The following KIF1B variants were observed in gnomAD, a reference collection of about 807,000 sequenced individuals.
The protein encoded by KIF1B is kinesin family member 1B.
KIF1B carries 76 observed loss-of-function variants against 241.9 expected under a neutral mutation model. That is an observed-to-expected ratio of 0.31 (90% CI 0.26 to 0.38). KIF1B has a LOEUF of 0.38. KIF1B is among the 10% of genes least tolerant of loss of function. KIF1B has a pLI of 1.00. For synonymous variants in KIF1B, 750 were observed against 796.7 expected, an observed-to-expected ratio of 0.94 and a Z score of 0.99; for missense variants, 1,622 against 2,271.4, an observed-to-expected ratio of 0.71 and a Z score of 5.81.
intron 5 of KIF1B, among the ~76,000 whole-genome samples, chr1:10,266,554 C>T (rs1311410290): frequency 6.6e-6 from 1 of 152,186 alleles, no homozygotes; most frequent in Non-Finnish European, 1.5e-5. Flanking sequence ...GAGGATACAT[C>T]GTCCATAGTT....
At chr1:10,220,156 C>A (rs1646822314) in intron 1 of KIF1B, among the ~76,000 whole-genome samples, 1 of 148,076 alleles carries the variant, frequency 6.8e-6, no homozygotes, top group Non-Finnish European at 1.5e-5. Context: ...GAGCCGAGAT[C>A]GCGAGCCATT....
intron 17 of KIF1B, 75 bp from the exon 18 acceptor site, chr1:10,295,011 C>T: frequency 1.0e-6 from 1 of 958,038 alleles, no homozygotes; most frequent in African/African-American, 1.6e-5. Context: ...AGCCTGGCCT[C>T]TTGTAGGCCC....
At chr1:10,296,200 AG>A (rs1650254774) in intron 19 of KIF1B, among the ~76,000 whole-genome samples, 1 of 152,232 alleles carries the variant, frequency 6.6e-6, no homozygotes, top group Non-Finnish European at 1.5e-5. Context: ...CTGTTATATA[AG>A]TCACTCATTC....
intron 38 of KIF1B, chr1:10,355,387 A>C (rs1174404634): frequency 6.6e-6 from 1 of 152,454 alleles, no homozygotes; most frequent in Non-Finnish European, 1.5e-5. Context: ...CTTGATAAGG[A>C]TATTCCTAGG....
chr1:10,304,523 C>T (rs769450634), intron 22 of KIF1B: 1 of 1,613,694 alleles, frequency 6.2e-7, no homozygotes, highest in South Asian at 1.1e-5. Flanking sequence ...GAGGGCAATG[C>T]AGCCACTTCC....
At chr1:10,278,377 T>C (rs1222830513) in intron 13 of KIF1B, among the ~76,000 whole-genome samples, 2 of 152,208 alleles carry the variant, frequency 1.3e-5, no homozygotes, top group Admixed American at 6.5e-5. Context: ...ATCGCAAATA[T>C]GTCACTAGTA....
At chr1:10,353,212 A>G (rs1456959505) in intron 38 of KIF1B, among the ~76,000 whole-genome samples, 1 of 152,208 alleles carries the variant, frequency 6.6e-6, no homozygotes, top group Non-Finnish European at 1.5e-5. Context: ...TGCTGACTAT[A>G]GGCTCCATTA....
At chr1:10,363,590 G>C (rs945642570) in intron 41 of KIF1B, among the ~76,000 whole-genome samples, 5 of 152,166 alleles carry the variant, frequency 3.3e-5, no homozygotes, top group Non-Finnish European at 5.9e-5. Flanking sequence ...CTACTCAGGA[G>C]GCTGAGGCAT....
intron 2 of KIF1B, among the ~76,000 whole-genome samples, chr1:10,242,528 T>C (rs1647151536): frequency 6.6e-6 from 1 of 152,016 alleles, no homozygotes; most frequent in South Asian, 2.1e-4. Flanking sequence ...TAATATAATC[T>C]TTTTTTTAGA....
chr1:10,277,252 C>T (rs1156787312), intron 12 of KIF1B, among the ~76,000 whole-genome samples: 1 of 151,368 alleles, frequency 6.6e-6, no homozygotes, highest in African/African-American at 2.4e-5. Flanking sequence ...TTGAGGCCAG[C>T]CCAGGCAACG....
At chr1:10,314,353 A>G (rs1651210320) in intron 22 of KIF1B, among the ~76,000 whole-genome samples, 1 of 151,434 alleles carries the variant, frequency 6.6e-6, no homozygotes, top group African/African-American at 2.5e-5. Context: ...GGGCCAATTC[A>G]ATAGATGATG....
chr1:10,284,872 C>A (rs1327804232), intron 15 of KIF1B, among the ~76,000 whole-genome samples: 1 of 150,776 alleles, frequency 6.6e-6, no homozygotes, highest in Non-Finnish European at 1.5e-5. Flanking sequence ...AAAAAAAAAA[C>A]AAAAACAAAA....
intron 22 of KIF1B, among the ~76,000 whole-genome samples, chr1:10,314,719 C>T (rs537455549): frequency 6.6e-6 from 1 of 151,720 alleles, no homozygotes; most frequent in South Asian, 2.1e-4. Context: ...CACACCTGGC[C>T]CAGTTAAACT....
chr1:10,290,411 G>A (rs1649935874), intron 15 of KIF1B, among the ~76,000 whole-genome samples: 1 of 152,160 alleles, frequency 6.6e-6, no homozygotes, highest in Non-Finnish European at 1.5e-5. Flanking sequence ...GCTGGGTTGT[G>A]TTCAGGAGGT....
intron 22 of KIF1B, chr1:10,306,010 A>G (rs1650811782): frequency 9.5e-7 from 1 of 1,050,562 alleles, no homozygotes; most frequent in Non-Finnish European, 1.1e-6. Context: ...CATTCAAGGA[A>G]GCCTTAAAGA....
intron 22 of KIF1B, chr1:10,306,743 T>A: frequency 1.1e-6 from 1 of 907,784 alleles, no homozygotes; most frequent in Non-Finnish European, 1.3e-6. Context: ...GACAACAGAG[T>A]GAGAACCTGT....
In KIF1B at chr1:10,353,989, C is replaced by G. The variant is rs1652890369; in HGVS notation, c.4055+1253C>G. On this transcript the variant is annotated intron_variant, in intron 38 of 48. Coordinates refer to ENST00000676179, the MANE Select transcript of KIF1B (RefSeq NM_001365951.3). Reference sequence around the variant, plus strand: ...CTATGAAAAATGTATTGTAAATTTCCCTAGGGTACTTAGTAAAATATACAG... The same window carrying G: ...CTATGAAAAATGTATTGTAAATTTCGCTAGGGTACTTAGTAAAATATACAG... Among the ~76,000 whole-genome samples, 3 of 152,250 alleles carry G rather than the reference C, an allele frequency of 2.0e-5. No homozygotes were observed. In the South Asian group the frequency reaches 6.2e-4, roughly 32 times the overall value.
In KIF1B at chr1:10,276,390, G is replaced by A; in HGVS notation, c.1028G>A (p.Ser343Asn). 1 of 1,612,838 alleles carries A rather than the reference G, an allele frequency of 6.2e-7. No homozygotes were observed. The highest frequency in any genetic ancestry group is 8.5e-7 in the Non-Finnish European group (1 of 1,179,088). The change falls in exon 12 of 49, where the codon AGC becomes AAC. Residue 343 changes from serine (S) to asparagine (N), a missense_variant. By Grantham distance (46) the Ser-to-Asn change is conservative. This residue lies in a region of KIF1B where 201 missense variants were observed against 301.2 expected (regional missense o/e 0.67). Coordinates refer to ENST00000676179, the MANE Select transcript of KIF1B (RefSeq NM_001365951.3). ...GATATCAACTACGATGAGACTTTGA[G>A]CACTCTGAGGTACTTTCTTTTGATC... ...PADINYDETL[S>N]TLRYADRAKQ...
In KIF1B at chr1:10,304,446, C is replaced by A. The variant is rs375793973; in HGVS notation, c.2115+7200C>A. On this transcript the variant is annotated intron_variant, in intron 22 of 48. Transcript: ENST00000676179. ...ACCCCACTGCTGATGTACAGACTTT[C>A]CAGGCAAAGCGCCATATTCATCAAC... The A allele has an allele frequency of 6.8e-6, 11 of 1,611,572 alleles. No homozygotes were observed. The South Asian group carries it at 9.9e-5, about 15-fold the overall frequency.
Sources: allele counts gnomAD v4.1 joint callset (sites outside exome capture counted in the v4.1 genomes callset), GRCh38; gene constraint gnomAD v4.1.1; regional missense constraint gnomAD v4.1.1; transcripts MANE v1.5; gene names NCBI Gene and HGNC (gene_info 2026-07-23, HGNC 2026-07-21).